The following PCDH15 variants were observed in gnomAD, a reference collection of about 807,000 sequenced individuals.
The protein encoded by PCDH15 is protocadherin related 15, also known as protocadherin-15.
Under a neutral mutation model 178.5 loss-of-function variants are expected in PCDH15, and 129 were observed. The observed-to-expected ratio is 0.72, with a 90% CI of 0.63 to 0.84. PCDH15 has a LOEUF of 0.84. Among genes scored for constraint, PCDH15 ranks in the 40% least tolerant of loss-of-function variants. PCDH15 has a pLI of 0.00. For synonymous variants in PCDH15, 800 were observed against 732.0 expected, an observed-to-expected ratio of 1.09 and a Z score of -1.50; for missense variants, 2,230 against 2,099.9, an observed-to-expected ratio of 1.06 and a Z score of -1.21.
At position 54,773,756 on chromosome 10, in the gene PCDH15, T is replaced by C. The variant is rs146202475; in HGVS notation, c.-29+27169A>G. On this transcript the variant is annotated intron_variant, in intron 1 of 37. Coordinates refer to ENST00000644397, the MANE Select transcript of PCDH15 (RefSeq NM_001384140.1). ...AAACACTATTTTAAAAGAGTTCTTATTGATTTTTTTCTAGCTGTTTTTATT... is the reference window on the plus strand; with the variant it reads ...AAACACTATTTTAAAAGAGTTCTTACTGATTTTTTTCTAGCTGTTTTTATT... Among the ~76,000 whole-genome samples the C allele has an allele frequency of 2.6e-3, 398 of 152,294 alleles. 3 individuals are homozygous for C. Among genetic ancestry groups the C allele is most frequent in the East Asian group, 0.025 (129 of 5,176 alleles).
chr10:54,879,030 AATG>A (rs1310939039), intron 3 of PCDH15, among the ~76,000 whole-genome samples: 4 of 152,166 alleles, frequency 2.6e-5, no homozygotes, highest in Non-Finnish European at 5.9e-5. Flanking sequence ...CAAAACACCA[AATG>A]ATGATTATGA....
At chr10:54,638,798 A>G (rs1271840760) in intron 2 of PCDH15, among the ~76,000 whole-genome samples, 2 of 152,094 alleles carry the variant, frequency 1.3e-5, no homozygotes, top group Non-Finnish European at 2.9e-5. Context: ...GTGTCCACCA[A>G]CCAATGAGCG....
chr10:55,417,092 T>TA (rs1488881344), intron 2 of PCDH15, among the ~76,000 whole-genome samples: 3 of 151,808 alleles, frequency 2.0e-5, no homozygotes, highest in African/African-American at 4.8e-5. Flanking sequence ...TAAAAAAATT[T>TA]AAAAAACTGT....
intron 20 of PCDH15, among the ~76,000 whole-genome samples, chr10:54,017,542 A>C (rs1438966155): frequency 6.6e-6 from 1 of 152,194 alleles, no homozygotes; most frequent in African/African-American, 2.4e-5. Flanking sequence ...TCAGGAGCAT[A>C]AAACCAAATA....
chr10:55,480,279 GA>G, intron 2 of PCDH15, among the ~76,000 whole-genome samples: 1 of 151,614 alleles, frequency 6.6e-6, no homozygotes, highest in Non-Finnish European at 1.5e-5. Flanking sequence ...CTGCAAACAG[GA>G]ATAGCTTGAC....
intron 2 of PCDH15, among the ~76,000 whole-genome samples, chr10:54,660,488 A>G (rs754836718): frequency 6.6e-6 from 1 of 152,134 alleles, no homozygotes; most frequent in African/African-American, 2.4e-5. Flanking sequence ...CCATTTTCCA[A>G]AAAAAGCCAG....
At chr10:55,509,652 A>T (rs1429709023) in intron 2 of PCDH15, among the ~76,000 whole-genome samples, 2 of 151,708 alleles carry the variant, frequency 1.3e-5, no homozygotes, top group African/African-American at 2.4e-5. Context: ...CGAAATTAAT[A>T]TGTCATGATA....
intron 16 of PCDH15, among the ~76,000 whole-genome samples, chr10:54,084,097 T>C (rs2094478121): frequency 6.7e-6 from 1 of 148,610 alleles, no homozygotes; most frequent in Non-Finnish European, 1.5e-5. Flanking sequence ...TTTTTTTTTA[T>C]TTTTTTGAGA....
intron 22 of PCDH15, among the ~76,000 whole-genome samples, chr10:53,960,522 T>A (rs977075912): frequency 7.2e-5 from 11 of 152,230 alleles, no homozygotes; most frequent in African/African-American, 2.7e-4. Flanking sequence ...TGCAATAGGA[T>A]TTATAATTGA....
intron 3 of PCDH15, among the ~76,000 whole-genome samples, chr10:54,849,323 C>G (rs548280196): frequency 1.3e-5 from 2 of 152,284 alleles, no homozygotes; most frequent in African/African-American, 4.8e-5. Flanking sequence ...TGAGTCAAGC[C>G]TTTGTAAGAA....
intron 2 of PCDH15, among the ~76,000 whole-genome samples, chr10:54,953,985 G>A (rs965100333): frequency 6.6e-6 from 1 of 150,942 alleles, no homozygotes; most frequent in Non-Finnish European, 1.5e-5. Context: ...AATTCTTCAT[G>A]TATAGATAAT....
intron 2 of PCDH15, among the ~76,000 whole-genome samples, chr10:55,096,962 G>A (rs982720836): frequency 3.3e-5 from 5 of 152,020 alleles, no homozygotes; most frequent in Admixed American, 2.6e-4. Flanking sequence ...AATATTGGAA[G>A]GTATAATTGC....
At position 54,555,647 on chromosome 10, in the gene PCDH15, G is replaced by A. The variant is rs58732174; in HGVS notation, c.92-27770C>T. ...AGCTACTCAGGAGGCTGAGGCAGGA[G>A]AATAGCTTGAACCCAGGAGGCAGAG... is the stretch of plus-strand genomic sequence containing the variant. On this transcript the variant is annotated intron_variant, in intron 2 of 37. Transcript: ENST00000644397. Among the ~76,000 whole-genome samples, 897 of 146,378 alleles carry A rather than the reference G, an allele frequency of 6.1e-3. 7 individuals carry two copies. Among genetic ancestry groups the A allele is most frequent in the African/African-American group, 0.015 (603 of 39,576 alleles).
At chr10:55,104,976 C>T (rs1199001236) in intron 2 of PCDH15, among the ~76,000 whole-genome samples, 2 of 152,144 alleles carry the variant, frequency 1.3e-5, no homozygotes, top group Non-Finnish European at 2.9e-5. Context: ...AGCACTTGAG[C>T]TCATCCCAAT....
intron 1 of PCDH15, among the ~76,000 whole-genome samples, chr10:54,799,662 G>C (rs1952439094): frequency 6.6e-6 from 1 of 151,970 alleles, no homozygotes; most frequent in Non-Finnish European, 1.5e-5. Flanking sequence ...TGAGGGGTTA[G>C]GAGGTCGCCA....
At chr10:54,524,370 C>A (rs77742704) in intron 3 of PCDH15, among the ~76,000 whole-genome samples, 3,448 of 152,320 alleles carry the variant, frequency 0.023, 125 homozygotes, top group African/African-American at 0.078. Context: ...CCAACCATGA[C>A]TTAAAATCAT....
intron 2 of PCDH15, among the ~76,000 whole-genome samples, chr10:54,594,064 C>T (rs758493029): frequency 2.6e-5 from 4 of 152,094 alleles, no homozygotes; most frequent in Non-Finnish European, 4.4e-5. Context: ...CACACCAGGA[C>T]TCATTCCTGG....
intron 9 of PCDH15, among the ~76,000 whole-genome samples, chr10:54,216,764 A>G (rs1009794774): frequency 6.6e-6 from 1 of 152,130 alleles, no homozygotes; most frequent in African/African-American, 2.4e-5. Context: ...ATTAATGTTT[A>G]CTTTTTGACC....
At chr10:55,156,594 A>G (rs920642490) in intron 2 of PCDH15, among the ~76,000 whole-genome samples, 4 of 152,154 alleles carry the variant, frequency 2.6e-5, no homozygotes, top group Non-Finnish European at 5.9e-5. Context: ...ACCTACGTGC[A>G]CATGTAAAAT....
Sources: gnomAD v4.1 joint callset for allele counts (sites outside exome capture counted in the v4.1 genomes callset) on GRCh38, gnomAD v4.1.1 for gene constraint, MANE v1.5 for transcripts, NCBI Gene and HGNC (gene_info 2026-07-23, HGNC 2026-07-21) for gene names.